DAPK2: variants seen among roughly 807,000 people sequenced by gnomAD.
The protein encoded by DAPK2 is death associated protein kinase 2, also known as death-associated protein kinase 2.
A neutral mutation model predicts 44.1 loss-of-function variants in DAPK2; 35 were observed. The ratio of observed to expected loss-of-function variants is 0.79; its 90% CI spans 0.61 to 1.05. DAPK2 has a LOEUF of 1.05. DAPK2 is among the 50% of genes least tolerant of loss of function. DAPK2 has a pLI of 0.00. For missense variants in DAPK2, 453 were observed against 483.2 expected, an observed-to-expected ratio of 0.94 and a Z score of 0.59; for synonymous variants, 174 against 182.6, an observed-to-expected ratio of 0.95 and a Z score of 0.38.
At chr15:64,007,409 C>A (rs933008904) in intron 1 of DAPK2, among the ~76,000 whole-genome samples, 6 of 152,090 alleles carry the variant, frequency 3.9e-5, no homozygotes, top group African/African-American at 1.4e-4. Flanking sequence ...TCATGGCAAT[C>A]TGTCCCCTGC....
At chr15:64,034,690 G>A (rs1435776910) in intron 1 of DAPK2, among the ~76,000 whole-genome samples, 1 of 152,106 alleles carries the variant, frequency 6.6e-6, no homozygotes, top group African/African-American at 2.4e-5. Context: ...ACGGTAGTCG[G>A]TAGTCGAGAA....
intron 1 of DAPK2, among the ~76,000 whole-genome samples, chr15:64,025,017 G>T (rs1312323089): frequency 1.3e-5 from 2 of 152,060 alleles, no homozygotes; most frequent in Non-Finnish European, 2.9e-5. Context: ...AGGACAACTG[G>T]ACTCTCAGCA....
intron 1 of DAPK2, among the ~76,000 whole-genome samples, chr15:64,000,983 G>A (rs537520272): frequency 3.3e-5 from 5 of 151,958 alleles, no homozygotes; most frequent in Non-Finnish European, 5.9e-5. Flanking sequence ...AGGTTCAAGC[G>A]ATTCTCCTGC....
chr15:63,971,676 A>G, intron 2 of DAPK2, 115 bp from the exon 4 acceptor site: 2 of 1,131,964 alleles, frequency 1.8e-6, no homozygotes, highest in Admixed American at 2.8e-5. Flanking sequence ...CTTGTATGGC[A>G]GAATCCCCCT....
At position 64,046,144 on chromosome 15, in the gene DAPK2, C is replaced by G. The variant is rs1017231869; in HGVS notation, c.-7+154G>C. On this transcript the variant is annotated intron_variant, in intron 1 of 11. Transcript: ENST00000457488. This position sits in a 1 kb window ranked among gnomAD's most constrained non-coding sequence, Gnocchi z 5.3. Reference sequence around the variant, plus strand: ...CGCTCGGGTGCCGGCCACAATGCCCCGGGCCACGGCGTCAGGCATTGGGGC... The same window carrying G: ...CGCTCGGGTGCCGGCCACAATGCCCGGGGCCACGGCGTCAGGCATTGGGGC... Among the ~76,000 whole-genome samples the G allele has an allele frequency of 6.6e-6, 1 of 152,038 alleles. No individual in the cohort carries two copies. The highest frequency in any genetic ancestry group is 1.5e-5 in the Non-Finnish European group (1 of 67,970).
intron 7 of DAPK2, 70 bp from the exon 9 acceptor site, chr15:63,924,931 A>G: frequency 6.5e-7 from 1 of 1,549,828 alleles, no homozygotes; most frequent in African/African-American, 1.4e-5. Context: ...CTCCGTTCTC[A>G]CTCTTTTTAG....
chr15:63,920,454 T>A (rs1041060137), intron 8 of DAPK2: 17 of 152,118 alleles, frequency 1.1e-4, no homozygotes, highest in African/African-American at 3.9e-4. Flanking sequence ...AGAGAGAGTT[T>A]CCTATTAGAC....
intron 1 of DAPK2, among the ~76,000 whole-genome samples, chr15:64,005,203 G>C (rs1247233311): frequency 6.6e-6 from 1 of 151,942 alleles, no homozygotes; most frequent in African/African-American, 2.4e-5. Context: ...TCTGTCCTGT[G>C]GTCTCAGGGA....
Position 63,911,696 on chromosome 15 carries a change from G to C in DAPK2, c.1032+212C>G, listed in dbSNP as rs538287120. 1.1e-3 allele frequency: 622 copies of C among 592,100 alleles called. 5 individuals are homozygous for C. The highest frequency in any genetic ancestry group is 5.2e-4 in the Non-Finnish European group (172 of 331,548). The allele number at this position is 592,100 out of a possible 1,614,324, so 36.7% of individuals were successfully genotyped here. ...TCCAGGAGTTCATGCTGCTGCATCA[G>C]TGGTCCCCTCCCGGCACCACCCAGA... On this transcript the variant is annotated intron_variant, in intron 10 of 10. Coordinates refer to ENST00000261891, the Ensembl canonical transcript of DAPK2.
chr15:63,994,377 G>A (rs979152023), intron 1 of DAPK2, among the ~76,000 whole-genome samples: 1 of 151,406 alleles, frequency 6.6e-6, no homozygotes, highest in African/African-American at 2.4e-5. Flanking sequence ...ATTCTTGATT[G>A]TTTTTGATTA....
chr15:63,953,011 G>T (rs922213417), intron 3 of DAPK2, among the ~76,000 whole-genome samples: 1 of 149,408 alleles, frequency 6.7e-6, no homozygotes, highest in African/African-American at 2.5e-5. Context: ...CATGGGCTTT[G>T]GGGGAACAGG....
intron 1 of DAPK2, among the ~76,000 whole-genome samples, chr15:64,023,046 AC>A (rs2079737878): frequency 6.6e-6 from 1 of 152,230 alleles, no homozygotes; most frequent in African/African-American, 2.4e-5. Flanking sequence ...CCATCTCTTT[AC>A]CTTCTCTTTT....
upstream of DAPK2, among the ~76,000 whole-genome samples, chr15:64,043,829 G>A (rs1156992950): frequency 6.6e-6 from 1 of 152,168 alleles, no homozygotes. Context: ...GCCCCATAAG[G>A]GCAAGAATTG....
At chr15:64,043,427 A>G (rs1567294563), upstream of DAPK2, among the ~76,000 whole-genome samples, 1 of 152,254 alleles carries the variant, frequency 6.6e-6, no homozygotes, top group Non-Finnish European at 1.5e-5. Flanking sequence ...ATTATACAGC[A>G]ATAAGAATTA....
chr15:63,914,862 C>G (rs905471262), intron 8 of DAPK2, among the ~76,000 whole-genome samples: 1 of 152,188 alleles, frequency 6.6e-6, no homozygotes, highest in Non-Finnish European at 1.5e-5. Flanking sequence ...AAGTAGCAAG[C>G]CAACTTCCCC....
Position 63,939,738 on chromosome 15 carries a change from C to G in DAPK2, c.454-377G>C, listed in dbSNP as rs2077258654. ...CAGCATTTCCTGTAAACAAACCCAG[C>G]ACTGCTGTGTGGGTGTGAAAGGGAC... On this transcript the variant is annotated intron_variant, in intron 3 of 10. Transcript: ENST00000261891. This position sits in a 1 kb window ranked among gnomAD's most constrained non-coding sequence, Gnocchi z 4.3. 6.6e-6 allele frequency among the ~76,000 whole-genome samples: 1 copy of G among 152,180 alleles called. No homozygotes were observed.
chr15:63,965,558 C>G (rs570906525), intron 3 of DAPK2, among the ~76,000 whole-genome samples: 5 of 152,206 alleles, frequency 3.3e-5, no homozygotes, highest in Admixed American at 6.5e-5. Flanking sequence ...GCTTCCCCCC[C>G]TTGGGTGGTC....
Position 63,916,308 on chromosome 15 carries a change from A to T in DAPK2, c.859-4111T>A, listed in dbSNP as rs1034114914. The T allele has an allele frequency of 3.3e-5, 5 of 151,312 alleles. No individual in the cohort carries two copies. Among genetic ancestry groups the T allele is most frequent in the Non-Finnish European group, 7.3e-5 (5 of 68,040 alleles). The allele number at this position is 151,312 out of a possible 1,614,324, so 9.4% of individuals were successfully genotyped here. On this transcript the variant is annotated intron_variant, in intron 8 of 10. Transcript: ENST00000261891. This position sits in a 1 kb window ranked among gnomAD's most constrained non-coding sequence, Gnocchi z 4.7. The stretch of plus-strand genomic sequence containing the variant: ...CTTTACTGAAGAGGCGACTCCCCCA[A>T]CTCCACCCCCCACACAACGATTTTC...
At chr15:63,933,709 T>C (rs11630587) in intron 4 of DAPK2, among the ~76,000 whole-genome samples, 77,981 of 150,548 alleles carry the variant, frequency 0.52, 20,735 homozygotes, top group East Asian at 0.92. Flanking sequence ...AGCGATCCTC[T>C]CACCTCAGCC....
Sources: gnomAD v4.1 joint callset for allele counts (sites outside exome capture counted in the v4.1 genomes callset) on GRCh38, gnomAD v4.1.1 for gene constraint, Gnocchi (gnomAD v3.1) non-coding constraint, MANE v1.5 for transcripts, NCBI Gene and HGNC (gene_info 2026-07-23, HGNC 2026-07-21) for gene names.